The following RIMS2 variants were observed in gnomAD, a reference collection of about 807,000 sequenced individuals.
RIMS2 encodes regulating synaptic membrane exocytosis protein 2.
In RIMS2, 59 loss-of-function variants were observed where a neutral mutation model predicts 174.4. That is an observed-to-expected ratio of 0.34 (90% CI 0.27 to 0.42). The LOEUF (loss-of-function observed/expected upper bound fraction) is 0.42. Among genes scored for constraint, RIMS2 ranks in the 10% least tolerant of loss-of-function variants. The probability of loss-of-function intolerance (pLI) is 1.00; values close to 1 mark genes in which losing one functional copy is unlikely to be tolerated. For synonymous variants in RIMS2, 606 were observed against 572.5 expected (o/e 1.06, Z -0.84); for missense variants, 1,620 against 1,666.3 (o/e 0.97, Z 0.48).
intron 2 of RIMS2, among the ~76,000 whole-genome samples, chr8:103,702,500 T>C (rs1041887510): frequency 1.4e-5 from 2 of 146,952 alleles, no homozygotes; most frequent in African/African-American, 5.1e-5. Flanking sequence ...TCAATAAATA[T>C]TTGCCTAGAC....
chr8:103,974,203 G>T lies in RIMS2; in HGVS notation c.2771-1147G>T, dbSNP rs532900644. ...CTTATTCATGTACAGGTGAATCCTTGTTTCTAGGGAATCTAATGTGAGTTA... is the reference window on the plus strand; with the variant it reads ...CTTATTCATGTACAGGTGAATCCTTTTTTCTAGGGAATCTAATGTGAGTTA... On this transcript the variant is annotated intron_variant, in intron 15 of 23. Transcript: ENST00000504942. Among the ~76,000 whole-genome samples the T allele has an allele frequency of 2.8e-3, 424 of 152,156 alleles. 5 individuals carry two copies. Among genetic ancestry groups the T allele is most frequent in the Admixed American group, 5.2e-3 (80 of 15,288 alleles).
intron 19 of RIMS2, among the ~76,000 whole-genome samples, chr8:104,109,375 T>G (rs552752431): frequency 2.1e-4 from 32 of 151,944 alleles, no homozygotes; most frequent in African/African-American, 7.7e-4. Context: ...GCATAATGAT[T>G]AAAAGTTAGC....
Position 103,738,858 on chromosome 8 carries a change from T to C in RIMS2, c.388-27369T>C, listed in dbSNP as rs1490262090. 2.0e-5 allele frequency among the ~76,000 whole-genome samples: 3 copies of C among 151,828 alleles called. No homozygotes were observed. In the East Asian group the frequency reaches 5.8e-4, roughly 29 times the overall value. ...CATCTCACACCAGTTAGAATGGCGA[T>C]CATTAAAAAGTCAGGAAACAACAGG... On this transcript the variant is annotated intron_variant, in intron 2 of 23. Transcript: ENST00000504942.
intron 19 of RIMS2, among the ~76,000 whole-genome samples, chr8:104,227,866 C>T (rs2099198021): frequency 6.6e-6 from 1 of 152,036 alleles, no homozygotes; most frequent in Non-Finnish European, 1.5e-5. Flanking sequence ...ATAGGAAAAC[C>T]ATCTAAGAAA....
intron 3 of RIMS2, among the ~76,000 whole-genome samples, chr8:103,824,178 T>C (rs2098771883): frequency 6.6e-6 from 1 of 152,136 alleles, no homozygotes; most frequent in Middle Eastern, 3.2e-3. Flanking sequence ...ATTTTCTTTA[T>C]TGAAAGAAGT....
At chr8:103,756,336 C>T (rs1466470794) in intron 2 of RIMS2, among the ~76,000 whole-genome samples, 2 of 150,304 alleles carry the variant, frequency 1.3e-5, no homozygotes, top group African/African-American at 4.9e-5. Flanking sequence ...CGTTCCTAGT[C>T]GGCCATCTTG....
chr8:104,112,368 T>C (rs2098201778), intron 19 of RIMS2, among the ~76,000 whole-genome samples: 1 of 152,214 alleles, frequency 6.6e-6, no homozygotes, highest in South Asian at 2.1e-4. Context: ...ATTTTATAGC[T>C]CATGCATATG....
chr8:104,126,880 A>G (rs1347389323), intron 19 of RIMS2, among the ~76,000 whole-genome samples: 1 of 152,164 alleles, frequency 6.6e-6, no homozygotes, highest in South Asian at 2.1e-4. Context: ...AGATAGAAAA[A>G]ATCCCTGCAA....
At chr8:104,007,710 A>G (rs1304452764) in intron 17 of RIMS2, among the ~76,000 whole-genome samples, 2 of 152,096 alleles carry the variant, frequency 1.3e-5, no homozygotes, top group African/African-American at 4.8e-5. Context: ...CTTATTTGTC[A>G]TGCTTTTTTT....
At chr8:103,957,770 G>A (rs1435067885) in intron 14 of RIMS2, among the ~76,000 whole-genome samples, 1 of 151,952 alleles carries the variant, frequency 6.6e-6, no homozygotes, top group Non-Finnish European at 1.5e-5. Flanking sequence ...AAAAAAAGAA[G>A]ACATGCATGC....
At chr8:104,060,800 TTTA>T (rs2096970215) in intron 19 of RIMS2, among the ~76,000 whole-genome samples, 1 of 152,194 alleles carries the variant, frequency 6.6e-6, no homozygotes, top group Non-Finnish European at 1.5e-5. Flanking sequence ...AAAGAACATC[TTTA>T]TTTCTGCCTT....
At chr8:104,001,949 C>G (rs887034868) in intron 17 of RIMS2, among the ~76,000 whole-genome samples, 1 of 151,986 alleles carries the variant, frequency 6.6e-6, no homozygotes, top group Admixed American at 6.6e-5. Flanking sequence ...CTGTAGTCTT[C>G]CTAAACTTCA....
At chr8:104,048,452 AGT>A (rs1218193258) in intron 19 of RIMS2, among the ~76,000 whole-genome samples, 2 of 152,206 alleles carry the variant, frequency 1.3e-5, no homozygotes, top group Non-Finnish European at 2.9e-5. Context: ...CCATGGTAAG[AGT>A]GTGATAACAG....
At chr8:103,768,978 G>T (rs2098215426) in intron 3 of RIMS2, 1 of 365,280 alleles carries the variant, frequency 2.7e-6, no homozygotes. Flanking sequence ...AGAAATGCAG[G>T]CTTTCCTGTC....
intron 1 of RIMS2, among the ~76,000 whole-genome samples, chr8:103,601,489 T>C (rs1391821878): frequency 9.8e-6 from 1 of 102,202 alleles, no homozygotes; most frequent in Non-Finnish European, 2.1e-5. Flanking sequence ...TAGTGACTTC[T>C]CCTCTTTTTT....
At chr8:104,233,169 C>G (rs930563956) in intron 19 of RIMS2, among the ~76,000 whole-genome samples, 7 of 152,152 alleles carry the variant, frequency 4.6e-5, no homozygotes, top group Non-Finnish European at 1.0e-4. Context: ...CACCCAATAT[C>G]CATGCATTCT....
At chr8:104,011,807 G>C (rs1178918589) in intron 17 of RIMS2, among the ~76,000 whole-genome samples, 1 of 151,912 alleles carries the variant, frequency 6.6e-6, no homozygotes, top group African/African-American at 2.4e-5. Flanking sequence ...TAAATGTAAA[G>C]ATTGGTACTC....
rs1589559841 is a variant in RIMS2, at chr8:103,641,743, G to C, written c.177-55343G>C. On this transcript the variant is annotated intron_variant, in intron 1 of 23. Transcript: ENST00000504942. ...TCATGAGTGTTGGTTGTTAAAAAGA[G>C]CCTGGCATCTCCTCCCCTTTTTCTT... 5.3e-5 allele frequency among the ~76,000 whole-genome samples: 8 copies of C among 152,050 alleles called. 2 individuals are homozygous for C. Among genetic ancestry groups the C allele is most frequent in the Admixed American group, 5.3e-4 (8 of 15,238 alleles).
At chr8:104,022,359 G>T (rs1219123681) in intron 19 of RIMS2, among the ~76,000 whole-genome samples, 1 of 151,582 alleles carries the variant, frequency 6.6e-6, no homozygotes, top group Non-Finnish European at 1.5e-5. Context: ...AGCAAGATGG[G>T]GTCAACTGTG....
Sources: gnomAD v4.1 joint callset for allele counts (sites outside exome capture counted in the v4.1 genomes callset) on GRCh38, gnomAD v4.1.1 for gene constraint, MANE v1.5 for transcripts, NCBI Gene and HGNC (gene_info 2026-07-23, HGNC 2026-07-21) for gene names.